Variants in UST observed in about 807,000 individuals in gnomAD.
UST encodes chondroitin sulfate 2-O-sulfotransferase.
A neutral mutation model predicts 45.6 loss-of-function variants in UST; 21 were observed. The ratio of observed to expected loss-of-function variants is 0.46; its 90% confidence interval spans 0.33 to 0.66. UST has a LOEUF of 0.66. Among genes scored for constraint, UST ranks in the 30% least tolerant of loss-of-function variants. UST has a pLI of 0.02. For missense variants in UST, 463 were observed against 512.4 expected (o/e 0.90, Z 0.93); for synonymous variants, 215 against 200.6 (o/e 1.07, Z -0.61).
Position 148,772,216 on chromosome 6 carries a change from C to T in UST, c.247+24539C>T, listed in dbSNP as rs148001309. ...TTTGTGCCTGGTGGTTTCTCTTTATCGGTTTCTGCAGCCTTATTTTTGGCA... is the reference window on the plus strand; with the variant it reads ...TTTGTGCCTGGTGGTTTCTCTTTATTGGTTTCTGCAGCCTTATTTTTGGCA... On this transcript the variant is annotated intron_variant, in intron 1 of 7. Transcript: ENST00000367463. Among the ~76,000 whole-genome samples the T allele has an allele frequency of 1.2e-4, 18 of 152,232 alleles. 1 individual carries two copies. Among genetic ancestry groups the T allele is most frequent in the Non-Finnish European group, 2.9e-5 (2 of 68,018 alleles).
chr6:148,929,483 G>C (rs1053442976), intron 2 of UST, among the ~76,000 whole-genome samples: 2 of 152,178 alleles, frequency 1.3e-5, no homozygotes, highest in African/African-American at 4.8e-5. Flanking sequence ...GGGATGGCTG[G>C]AACTGCAGCA....
chr6:148,823,165 G>A (rs72999171), intron 1 of UST, among the ~76,000 whole-genome samples: 3,851 of 152,288 alleles, frequency 0.025, 80 homozygotes, highest in African/African-American at 0.054. Flanking sequence ...ATCACATGAA[G>A]TGTTGATTTT....
intron 5 of UST, among the ~76,000 whole-genome samples, chr6:149,013,684 G>C (rs1428004444): frequency 6.6e-6 from 1 of 152,152 alleles, no homozygotes; most frequent in Non-Finnish European, 1.5e-5. Flanking sequence ...TCTTGGAGCT[G>C]AGACCAGCAC....
At chr6:148,763,110 A>C (rs574371773) in intron 1 of UST, among the ~76,000 whole-genome samples, 9 of 152,224 alleles carry the variant, frequency 5.9e-5, no homozygotes, top group Non-Finnish European at 1.0e-4. Flanking sequence ...ACTAATTTAC[A>C]TTCCCACTAA....
chr6:148,843,350 C>A (rs1245630538), intron 1 of UST, among the ~76,000 whole-genome samples: 3 of 152,190 alleles, frequency 2.0e-5, no homozygotes, highest in Non-Finnish European at 4.4e-5. Flanking sequence ...TCTCTTTAAA[C>A]CCTGAAAAAA....
intron 3 of UST, among the ~76,000 whole-genome samples, chr6:148,952,133 C>T (rs1287197965): frequency 6.6e-6 from 1 of 152,166 alleles, no homozygotes; most frequent in Non-Finnish European, 1.5e-5. Flanking sequence ...TTACATTAAA[C>T]ATACACACAG....
intron 2 of UST, among the ~76,000 whole-genome samples, chr6:148,900,686 A>T (rs905766085): frequency 6.6e-6 from 1 of 152,232 alleles, no homozygotes; most frequent in African/African-American, 2.4e-5. Flanking sequence ...CTGCATTACC[A>T]TATTGTATTT....
At chr6:148,759,091 G>A (rs1776153342) in intron 1 of UST, among the ~76,000 whole-genome samples, 1 of 152,140 alleles carries the variant, frequency 6.6e-6, no homozygotes, top group Admixed American at 6.5e-5. Flanking sequence ...TCTCTACAAT[G>A]AAGGAGTTTC....
chr6:148,816,278 G>A (rs1777353290), intron 1 of UST, among the ~76,000 whole-genome samples: 1 of 152,184 alleles, frequency 6.6e-6, no homozygotes, highest in South Asian at 2.1e-4. Flanking sequence ...ATGAGGAGGA[G>A]GATGAATGAC....
intron 7 of UST, among the ~76,000 whole-genome samples, chr6:149,050,906 T>G (rs1776474226): frequency 6.6e-6 from 1 of 152,238 alleles, no homozygotes; most frequent in Non-Finnish European, 1.5e-5. Flanking sequence ...CCTAATTCTT[T>G]CCTTTGTTGA....
chr6:148,779,225 T>C (rs954718075), intron 1 of UST, among the ~76,000 whole-genome samples: 3 of 152,206 alleles, frequency 2.0e-5, no homozygotes, highest in African/African-American at 7.2e-5. Context: ...CTGTCTCCTT[T>C]TCAAGTGTGG....
chr6:148,985,957 T>C (rs763190703), intron 5 of UST, among the ~76,000 whole-genome samples: 4 of 152,172 alleles, frequency 2.6e-5, no homozygotes, highest in Non-Finnish European at 5.9e-5. Flanking sequence ...ATCAAACCCA[T>C]AGTAGATCTG....
intron 7 of UST, among the ~76,000 whole-genome samples, chr6:149,023,908 AAGG>A (rs1402062493): frequency 6.6e-6 from 1 of 152,206 alleles, no homozygotes; most frequent in East Asian, 1.9e-4. Context: ...TCGTTAATTC[AAGG>A]AGAAAAGATT....
chr6:148,949,159 C>G lies in UST; in HGVS notation c.448-4713C>G, dbSNP rs558612359. Among the ~76,000 whole-genome samples, 10 of 151,976 alleles carry G rather than the reference C, an allele frequency of 6.6e-5. No individual in the cohort carries two copies. In the East Asian group the frequency reaches 1.7e-3, roughly 26 times the overall value. On this transcript the variant is annotated intron_variant, in intron 3 of 7. Coordinates refer to ENST00000367463, the MANE Select transcript of UST (RefSeq NM_005715.3). ...TACAAAAATTAGCTGGGCGTGGTGG[C>G]AGGCGCCTATAATCCCAGCTACTGG...
At chr6:148,917,710 G>T (rs963353382) in intron 2 of UST, among the ~76,000 whole-genome samples, 7 of 152,156 alleles carry the variant, frequency 4.6e-5, no homozygotes, top group Admixed American at 6.5e-5. Context: ...GGGGGCAGGG[G>T]TCAGCTTCAG....
At chr6:148,817,818 C>T (rs1777384334) in intron 1 of UST, among the ~76,000 whole-genome samples, 2 of 152,148 alleles carry the variant, frequency 1.3e-5, no homozygotes, top group South Asian at 4.1e-4. Flanking sequence ...ACTTCCATCA[C>T]GGCCTGAACC....
At chr6:148,964,644 T>C (rs1780744000) in intron 5 of UST, 81 bp downstream of exon 5, 1 of 1,549,740 alleles carries the variant, frequency 6.5e-7, no homozygotes. Context: ...CACTCTTCCC[T>C]TCCCAGGCCT....
At chr6:148,771,427 C>G (rs1436857391) in intron 1 of UST, among the ~76,000 whole-genome samples, 2 of 152,278 alleles carry the variant, frequency 1.3e-5, no homozygotes, top group East Asian at 1.9e-4. Flanking sequence ...ACATCCAGCC[C>G]CACCCTGTTC....
chr6:148,919,154 G>A (rs1408940494), intron 2 of UST, among the ~76,000 whole-genome samples: 1 of 151,678 alleles, frequency 6.6e-6, no homozygotes, highest in East Asian at 1.9e-4. Context: ...CACACAGTTA[G>A]GATATGTCTT....
Sources: allele counts gnomAD v4.1 joint callset (sites outside exome capture counted in the v4.1 genomes callset), GRCh38; gene constraint gnomAD v4.1.1; transcripts MANE v1.5; gene names NCBI Gene and HGNC (gene_info 2026-07-23, HGNC 2026-07-21).